PFKFB1: variants seen among roughly 807,000 people sequenced by gnomAD.
PFKFB1 encodes the protein 6-phosphofructo-2-kinase/fructose-2,6-bisphosphatase 1.
A neutral mutation model predicts 46.4 loss-of-function variants in PFKFB1; 34 were observed. The observed-to-expected ratio is 0.73, with a 90% CI of 0.56 to 0.98. PFKFB1 has a LOEUF of 0.98. Ranked by LOEUF, PFKFB1 falls within the 50% of genes least tolerant of loss-of-function variation. The pLI, the probability that PFKFB1 is intolerant of heterozygous loss-of-function variation, is 0.00. For synonymous variants in PFKFB1, 119 were observed against 133.8 expected, an observed-to-expected ratio of 0.89 and a Z score of 0.76; for missense variants, 393 against 376.3, an observed-to-expected ratio of 1.04 and a Z score of -0.37.
At chrX:54,961,900 G>C (rs1461512115) in intron 2 of PFKFB1, among the ~76,000 whole-genome samples, 1 of 111,451 alleles carries the variant, frequency 9.0e-6, no homozygotes, top group African/African-American at 3.3e-5. Context: ...GCTTGAGCAA[G>C]AGTATGGCAT....
intron 1 of PFKFB1, among the ~76,000 whole-genome samples, chrX:54,971,775 G>A (rs1471025325): frequency 1.8e-5 from 2 of 110,713 alleles, no homozygotes; most frequent in African/African-American, 6.6e-5. Context: ...GTAGCGTGAT[G>A]CCTCCAGCTT....
chrX:54,947,376 C>T (rs2146609838), intron 9 of PFKFB1, among the ~76,000 whole-genome samples: 1 of 111,763 alleles, frequency 8.9e-6, no homozygotes, highest in South Asian at 3.8e-4. Flanking sequence ...GATCAATTTC[C>T]ACCTCCAGCA....
chrX:54,966,713 C>A (rs933509095), intron 1 of PFKFB1, among the ~76,000 whole-genome samples: 2 of 111,005 alleles, frequency 1.8e-5, no homozygotes, highest in African/African-American at 6.5e-5. Flanking sequence ...CTCTCCCTCT[C>A]GTTCTCACTC....
chrX:54,939,713 T>C (rs1444848548), intron 10 of PFKFB1, among the ~76,000 whole-genome samples: 1 of 111,858 alleles, frequency 8.9e-6, no homozygotes, highest in Non-Finnish European at 1.9e-5. Flanking sequence ...AATCTCTGAA[T>C]AGACCAATAA....
chrX:54,947,790 T>C (rs1933847887), intron 9 of PFKFB1, among the ~76,000 whole-genome samples: 1 of 111,140 alleles, frequency 9.0e-6, no homozygotes, highest in Non-Finnish European at 1.9e-5. Flanking sequence ...AGGAAACAGC[T>C]CCTTTCTCAA....
upstream of PFKFB1, among the ~76,000 whole-genome samples, chrX:54,996,732 C>CTGCA (rs1238290184): frequency 8.9e-6 from 1 of 111,825 alleles, no homozygotes; most frequent in Non-Finnish European, 1.9e-5. Context: ...CATCCTTAAA[C>CTGCA]TGCACTGGCT....
intron 10 of PFKFB1, among the ~76,000 whole-genome samples, chrX:54,943,366 C>G (rs373170614): frequency 1.8e-5 from 2 of 111,614 alleles, no homozygotes; most frequent in African/African-American, 6.5e-5. Context: ...AGTTTTTACC[C>G]AGCCAAGCAT....
chrX:54,991,896 T>C (rs1935252153), intron 1 of PFKFB1, among the ~76,000 whole-genome samples: 1 of 111,728 alleles, frequency 9.0e-6, no homozygotes, highest in Non-Finnish European at 1.9e-5. Context: ...TCAAGTACTT[T>C]ACATGTTAAT....
intron 1 of PFKFB1, among the ~76,000 whole-genome samples, chrX:54,967,088 A>C (rs1252457999): frequency 8.9e-6 from 1 of 111,792 alleles, no homozygotes; most frequent in East Asian, 2.8e-4. Context: ...GTGGGAACCA[A>C]AATATATAAA....
At chrX:54,973,794 T>A (rs757495335) in intron 1 of PFKFB1, among the ~76,000 whole-genome samples, 1 of 111,394 alleles carries the variant, frequency 9.0e-6, no homozygotes, top group Non-Finnish European at 1.9e-5. Flanking sequence ...TGTGGTGTGG[T>A]GCTGGAAAAA....
intron 1 of PFKFB1, among the ~76,000 whole-genome samples, chrX:54,991,539 C>CCCTCTCTCTCTCTG (rs1935241203): frequency 1.6e-5 from 1 of 61,871 alleles, no homozygotes; most frequent in African/African-American, 4.7e-5. Context: ...CTCTCTCTCT[C>CCCTCTCTCTCTCTG]TGTGTGTGTG....
intron 1 of PFKFB1, among the ~76,000 whole-genome samples, chrX:54,971,111 G>GT (rs1369346889): frequency 3.8e-4 from 6 of 15,918 alleles, no homozygotes; most frequent in South Asian, 3.5e-3. Context: ...TTTTTCATGT[G>GT]TTTTTTGGCT....
chrX:54,982,526 A>T (rs754948991), intron 1 of PFKFB1, among the ~76,000 whole-genome samples: 1 of 112,166 alleles, frequency 8.9e-6, no homozygotes, highest in South Asian at 3.6e-4. Context: ...AAACACTACA[A>T]ATAAAAAGCA....
intron 1 of PFKFB1, 141 bp downstream of exon 1, chrX:54,993,770 C>T: frequency 1.2e-6 from 1 of 838,829 alleles, no homozygotes; most frequent in African/African-American, 2.1e-5. Context: ...TTGACACTAG[C>T]CTCTATTTCA....
intron 1 of PFKFB1, among the ~76,000 whole-genome samples, chrX:54,990,676 G>A (rs1286964400): frequency 9.0e-6 from 1 of 111,356 alleles, no homozygotes; most frequent in Non-Finnish European, 1.9e-5. Context: ...GACACTCTTG[G>A]AAAAATCACA....
chrX:54,988,392 T>G (rs889863887), intron 1 of PFKFB1, among the ~76,000 whole-genome samples: 1 of 111,624 alleles, frequency 9.0e-6, no homozygotes, highest in Non-Finnish European at 1.9e-5. Context: ...ATTGTTAAGA[T>G]GGTAATATTC....
chrX:54,973,379 C>A (rs775322817), intron 1 of PFKFB1, among the ~76,000 whole-genome samples: 2 of 111,212 alleles, frequency 1.8e-5, no homozygotes, highest in African/African-American at 6.5e-5. Context: ...TTGCCTTCTG[C>A]TAGCTTTTGA....
intron 1 of PFKFB1, among the ~76,000 whole-genome samples, chrX:54,989,730 C>A (rs1278867940): frequency 8.9e-6 from 1 of 111,936 alleles, no homozygotes; most frequent in South Asian, 3.7e-4. Context: ...GTTCTCTGAC[C>A]AGAATGGAAT....
intron 10 of PFKFB1, among the ~76,000 whole-genome samples, chrX:54,943,477 C>T (rs1336101546): frequency 4.4e-5 from 5 of 112,366 alleles, no homozygotes; most frequent in Non-Finnish European, 7.5e-5. Context: ...GAAGGCTGGG[C>T]GTGGTGGCTC....
Sources: gnomAD v4.1 joint callset for allele counts (sites outside exome capture counted in the v4.1 genomes callset) on GRCh38, gnomAD v4.1.1 for gene constraint, MANE v1.5 for transcripts, NCBI Gene and HGNC (gene_info 2026-07-23, HGNC 2026-07-21) for gene names.